The following CCDC22 variants were observed in gnomAD, a reference collection of about 807,000 sequenced individuals.
The protein encoded by CCDC22 is coiled-coil domain-containing protein 22.
CCDC22 carries 4 observed loss-of-function variants against 53.1 expected under a neutral mutation model. The observed-to-expected ratio is 0.08, with a 90% CI of 0.04 to 0.17. CCDC22 has a LOEUF of 0.17. Ranked by LOEUF, CCDC22 falls within the 10% of genes least tolerant of loss-of-function variation. The probability of loss-of-function intolerance (pLI) is 1.00; values close to 1 mark genes in which losing one functional copy is unlikely to be tolerated. For missense variants in CCDC22, 458 were observed against 554.0 expected (o/e 0.83, Z 1.74); for synonymous variants, 222 against 224.4 (o/e 0.99, Z 0.10).
chrX:49,240,312 G>A (rs1362721755), intron 2 of CCDC22, among the ~76,000 whole-genome samples: 1 of 108,924 alleles, frequency 9.2e-6, no homozygotes, highest in Non-Finnish European at 1.9e-5. Flanking sequence ...AGCACTTTGG[G>A]AGGTGGAGGC....
chrX:49,249,615 G>GGGGGGGGGGGGGGGGC, intron 15 of CCDC22, 36 bp from the exon 16 acceptor site: 3 of 406,788 alleles, frequency 7.4e-6, no homozygotes, highest in Admixed American at 2.7e-5. Context: ...GGGTGGGTGG[G>GGGGGGGGGGGGGGGGC]ACTGGGTGCA....
chrX:49,235,935 A>G (rs1014790814), intron 1 of CCDC22, among the ~76,000 whole-genome samples: 8 of 109,024 alleles, frequency 7.3e-5, no homozygotes, highest in Non-Finnish European at 1.5e-4. Flanking sequence ...GATATTTGGT[A>G]CACCCAAAGC....
At chrX:49,235,726 CG>C (rs2065933092) in intron 1 of CCDC22, 40 bp downstream of exon 1, 1 of 1,124,819 alleles carries the variant, frequency 8.9e-7, no homozygotes, top group African/African-American at 1.8e-5. Context: ...AGCCCACATC[CG>C]GGACTCTAAA....
At chrX:49,242,461 C>A in intron 3 of CCDC22, 2 of 258,565 alleles carry the variant, frequency 7.7e-6, no homozygotes, top group Non-Finnish European at 1.1e-5. Context: ...TCAAACATAC[C>A]CCAGTACACT....
At position 49,242,948 on chromosome X, in the gene CCDC22, T is replaced by C. The variant is rs2065971258; in HGVS notation, c.424T>C (p.Trp142Arg). The change falls in exon 4 of 17, where the codon TGG becomes CGG. Residue 142 changes from tryptophan (W) to arginine (R), a missense_variant. Coordinates refer to ENST00000376227, the MANE Select transcript of CCDC22 (RefSeq NM_014008.5). ...AATTCGGGACCAGCTGGCACTGCCTTGGGTCCCGCCCCACCTTCGCACTCC... is the reference window on the plus strand; with the variant it reads ...AATTCGGGACCAGCTGGCACTGCCTCGGGTCCCGCCCCACCTTCGCACTCC... ...SQIRDQLALP[W>R]VPPHLRTPKL... is the part of the protein sequence containing the mutation. 8.6e-7 allele frequency: 1 copy of C among 1,166,663 alleles called. No homozygotes were observed. Among genetic ancestry groups the C allele is most frequent in the Non-Finnish European group, 1.1e-6 (1 of 872,341 alleles).
Position 49,248,773 on chromosome X carries a change from TG to T in CCDC22, c.1432-38del, listed in dbSNP as rs782121303. The T allele has an allele frequency of 9.1e-6, 11 of 1,203,569 alleles. No homozygotes were observed. In the East Asian group the frequency reaches 3.3e-4, roughly 36 times the overall value. ...GAGGGACCTGGGTAGCTTAGGAGGG[TG>T]GGGGGATGGTCCTGGGGCAGTGCCT... On this transcript the variant is annotated intron_variant, in intron 12 of 16. Transcript: ENST00000376227.
In CCDC22 at chrX:49,250,406, G is replaced by A. The variant is rs782490982; in HGVS notation, c.*145G>A. On this transcript the variant is annotated 3_prime_UTR_variant, in exon 17 of 17. Coordinates refer to ENST00000376227, the MANE Select transcript of CCDC22 (RefSeq NM_014008.5). Reference sequence around the variant, plus strand: ...GGACCCAGACCCCTGCCCACTGACCGCAACCCTTATATGGGGTGATAGTCC... The same window carrying A: ...GGACCCAGACCCCTGCCCACTGACCACAACCCTTATATGGGGTGATAGTCC... 2.1e-5 allele frequency: 11 copies of A among 512,457 alleles called. No individual in the cohort carries two copies. The highest frequency in any genetic ancestry group is 1.8e-4 in the South Asian group (7 of 39,917). 42.2% of individuals were successfully genotyped at this position (512,457 alleles called of 1,213,427 possible). A position where few individuals can be genotyped will look rare whatever the true frequency, so the allele number is the denominator to read the frequency against.
chrX:49,237,116 C>T lies in CCDC22; in HGVS notation c.81C>T (p.Arg27=), dbSNP rs370789286. The T allele has an allele frequency of 4.2e-5, 51 of 1,209,989 alleles. No individual in the cohort carries two copies. Among genetic ancestry groups the T allele is most frequent in the Non-Finnish European group, 5.4e-5 (48 of 894,842 alleles). ...TTCCTCCAGATGTGCAGACCTTGCG[C>T]GCCTTCACCACTGAGCTGGTTGTAG... The part of the protein sequence containing the change: ...TAVPPDVQTL[R]AFTTELVVEA... Residue 27 remains arginine, a synonymous_variant, in exon 2 of 17, where the codon CGC becomes CGT. Coordinates refer to ENST00000376227, the MANE Select transcript of CCDC22 (RefSeq NM_014008.5).
intron 14 of CCDC22, 29 bp downstream of exon 14, chrX:49,249,291 G>C (rs2066010458): frequency 9.1e-7 from 1 of 1,103,150 alleles, no homozygotes; most frequent in South Asian, 1.9e-5. Context: ...GGGGGTGAGT[G>C]GGGTGAGGCT....
At position 49,249,161 on chromosome X, in the gene CCDC22, T is replaced by C. The variant is rs2066009509; in HGVS notation, c.1540-6T>C. On this transcript the variant is annotated splice_polypyrimidine_tract_variant and splice_region_variant and intron_variant, in intron 13 of 16. Coordinates refer to ENST00000376227, the MANE Select transcript of CCDC22 (RefSeq NM_014008.5). ...AGGGGCTCATGGCTGCCATGGTGTC[T>C]GCCAGATCTTGTCTGATACGAAGGA... is the stretch of plus-strand genomic sequence containing the variant. 8.3e-7 allele frequency: 1 copy of C among 1,201,912 alleles called. No individual in the cohort carries two copies. The highest frequency in any genetic ancestry group is 2.2e-5 in the Admixed American group (1 of 45,891).
chrX:49,248,129 T>G (rs1368130665), intron 9 of CCDC22, 62 bp from the exon 10 acceptor site: 1 of 1,195,046 alleles, frequency 8.4e-7, no homozygotes, highest in African/African-American at 1.8e-5. Context: ...GCCACAGGGG[T>G]GTACAGTCAT....
chrX:49,243,251 G>A (rs991242969), intron 5 of CCDC22, 33 bp from the exon 6 acceptor site: 4 of 1,198,636 alleles, frequency 3.3e-6, no homozygotes, highest in South Asian at 3.6e-5. Flanking sequence ...GTTGCCATGC[G>A]GCAGGGCCAG....
At chrX:49,249,345 A>G (rs1193210410) in intron 14 of CCDC22, 83 bp downstream of exon 14, 3 of 921,294 alleles carry the variant, frequency 3.3e-6, no homozygotes, top group Non-Finnish European at 4.7e-6. Context: ...GCTGGGGTCC[A>G]GACCCAGGCC....
At position 49,249,054 on chromosome X, in the gene CCDC22, T is replaced by C. The variant is rs1354582428; in HGVS notation, c.1540-113T>C. Reference sequence around the variant, plus strand: ...ACACAGAATAGTCACACACAATCCATCCCAGTCACCCCTGACACAGTGACA... The same window carrying C: ...ACACAGAATAGTCACACACAATCCACCCCAGTCACCCCTGACACAGTGACA... On this transcript the variant is annotated intron_variant, in intron 13 of 16. Transcript: ENST00000376227. 3 of 1,115,192 alleles carry C rather than the reference T, an allele frequency of 2.7e-6. No homozygotes were observed. In the African/African-American group the frequency reaches 5.4e-5, roughly 20 times the overall value. The allele number at this position is 1,115,192 out of a possible 1,213,427, so 91.9% of individuals were successfully genotyped here.
At chrX:49,246,587 G>C in intron 6 of CCDC22, 144 bp from the exon 7 acceptor site, 1 of 459,599 alleles carries the variant, frequency 2.2e-6, no homozygotes. Context: ...CAGGAGAGTA[G>C]AGCAGGGCCT....
rs145220151 is a variant in CCDC22, at chrX:49,248,269, G to A, written c.1171G>A (p.Glu391Lys). The A allele has an allele frequency of 7.2e-5, 86 of 1,202,362 alleles. No individual in the cohort carries two copies. The highest frequency in any genetic ancestry group is 4.7e-5 in the Non-Finnish European group (42 of 893,561). ...CCTGCGCCTGAAGAGCCGCGCGGTG[G>A]AGCTGCTGCCCGATGGGACTGCCAA... ...QALRLKSRAV[E>K]LLPDGTANLA... is the part of the protein sequence containing the mutation. Residue 391 changes from glutamate (E) to lysine (K), a missense_variant, in exon 10 of 17, where the codon GAG becomes AAG. By Grantham distance (56) the Glu-to-Lys change is moderately conservative. This residue lies in a region of CCDC22 where 309 missense variants were observed against 312.3 expected (regional missense o/e 0.99). Coordinates refer to ENST00000376227, the MANE Select transcript of CCDC22 (RefSeq NM_014008.5).
At chrX:49,244,431 CTCCTCTTCCTCTCTG>C (rs2065979136) in intron 6 of CCDC22, among the ~76,000 whole-genome samples, 1 of 111,005 alleles carries the variant, frequency 9.0e-6, no homozygotes, top group Non-Finnish European at 1.9e-5. Context: ...CTTAATCTCT[CTCCTCTTCCTCTCTG>C]TCCACCTCTG....
chrX:49,244,874 C>T (rs961446540), intron 6 of CCDC22, among the ~76,000 whole-genome samples: 1 of 110,238 alleles, frequency 9.1e-6, no homozygotes, highest in Non-Finnish European at 1.9e-5. Context: ...TCTCTGTCAA[C>T]CTCTTTGTCC....
In CCDC22 at chrX:49,248,691, C is replaced by G. The variant is rs782691732; in HGVS notation, c.1388C>G (p.Ala463Gly). 113 of 1,208,942 alleles carry G rather than the reference C, an allele frequency of 9.3e-5. No homozygotes were observed. The highest frequency in any genetic ancestry group is 1.1e-4 in the Non-Finnish European group (97 of 894,891). ...IQELHQSVRA[A>G]AEEARRKEEV... Reference sequence around the variant, plus strand: ...GAACTGCACCAGAGTGTCCGGGCGGCTGCTGAAGAGGCCCGCAGGAAGGAG... The same window carrying G: ...GAACTGCACCAGAGTGTCCGGGCGGGTGCTGAAGAGGCCCGCAGGAAGGAG... The change falls in exon 12 of 17, where the codon GCT becomes GGT. Residue 463 changes from alanine (A) to glycine (G), a missense_variant. Around this residue, in one of 4 missense-constraint regions of CCDC22, gnomAD observed 309 missense variants for 312.3 expected, o/e 0.99. Coordinates refer to ENST00000376227, the MANE Select transcript of CCDC22 (RefSeq NM_014008.5).
Sources: gnomAD v4.1 joint callset for allele counts (sites outside exome capture counted in the v4.1 genomes callset) on GRCh38, gnomAD v4.1.1 for gene constraint, gnomAD v4.1.1 regional missense constraint, MANE v1.5 for transcripts, NCBI Gene and HGNC (gene_info 2026-07-23, HGNC 2026-07-21) for gene names.